Variants in GLRA2 observed in about 807,000 individuals in gnomAD.
The protein encoded by GLRA2 is glycine receptor subunit alpha-2.
GLRA2 carries 11 observed loss-of-function variants against 31.6 expected under a neutral mutation model. That is an observed-to-expected ratio of 0.35 (90% CI 0.22 to 0.58). The LOEUF is 0.58. Among genes scored for constraint, GLRA2 ranks in the 20% least tolerant of loss-of-function variants. GLRA2 has a pLI of 0.84. For missense variants in GLRA2, 212 were observed against 351.8 expected, an observed-to-expected ratio of 0.60 and a Z score of 3.18; for synonymous variants, 132 against 134.0, an observed-to-expected ratio of 0.99 and a Z score of 0.10.
chrX:14,581,383 T>C lies in GLRA2; in HGVS notation c.471T>C (p.Asn157=). Residue 157 remains asparagine, a synonymous_variant, in exon 4 of 9, where the codon AAT becomes AAC. Transcript: ENST00000218075. ...ACAAATTGCTACGGATTTCGAAAAA[T>C]GGCAAAGTGCTCTACAGTATCAGGT... ...TDNKLLRISK[N]GKVLYSIRLT... 8.5e-7 allele frequency: 1 copy of C among 1,176,810 alleles called. No homozygotes were observed. Among genetic ancestry groups the C allele is most frequent in the East Asian group, 3.0e-5 (1 of 33,715 alleles).
At chrX:14,498,200 T>C in the GLRA2 span, among the ~76,000 whole-genome samples, 2 of 109,682 alleles carry the variant, frequency 1.8e-5, no homozygotes, top group African/African-American at 3.3e-5. Context: ...AATAATTTGG[T>C]AAGGTGCTGG....
At chrX:14,456,618 T>C in the GLRA2 span, among the ~76,000 whole-genome samples, 1 of 112,365 alleles carries the variant, frequency 8.9e-6, no homozygotes, top group South Asian at 3.7e-4. Flanking sequence ...TATTTAACTT[T>C]CTTTTTCTGG....
intron 7 of GLRA2, among the ~76,000 whole-genome samples, chrX:14,619,285 G>A (rs12393787): frequency 3.6e-5 from 4 of 110,511 alleles, no homozygotes; most frequent in East Asian, 2.9e-4. Flanking sequence ...ACATCTTCCC[G>A]TAGCTCCCTG....
rs774738110 is a variant in GLRA2 at position 14,698,473 on chromosome X, G to GT, written c.1080+7617dup. On this transcript the variant is annotated intron_variant, in intron 8 of 8. Coordinates refer to ENST00000218075, the MANE Select transcript of GLRA2 (RefSeq NM_002063.4). Reference sequence around the variant, plus strand: ...GTGGGTGGATCACCTGAGGGCAAGAGTTTGAGACCAGCCTGGCCAACATGT... The same window carrying GT: ...GTGGGTGGATCACCTGAGGGCAAGAGTTTTGAGACCAGCCTGGCCAACATGT... Among the ~76,000 whole-genome samples, 3 of 109,282 alleles carry GT rather than the reference G, an allele frequency of 2.7e-5. No homozygotes were observed. In the Admixed American group the frequency reaches 2.9e-4, roughly 11 times the overall value. The allele number at this position is 109,282 out of a possible 115,157, so 94.9% of individuals were successfully genotyped here.
intron 2 of GLRA2, among the ~76,000 whole-genome samples, chrX:14,567,344 AAC>A (rs938838370): frequency 3.6e-5 from 4 of 112,292 alleles, no homozygotes; most frequent in African/African-American, 1.3e-4. Context: ...GAAGGAGAAA[AAC>A]ACACGATCAC....
chrX:14,490,627 C>T, the GLRA2 span, among the ~76,000 whole-genome samples: 1 of 111,596 alleles, frequency 9.0e-6, no homozygotes, highest in Non-Finnish European at 1.9e-5. Context: ...TTGGTAACAA[C>T]TAGGAGGAGG....
chrX:14,463,367 C>T, the GLRA2 span, among the ~76,000 whole-genome samples: 2 of 111,477 alleles, frequency 1.8e-5, no homozygotes, highest in African/African-American at 6.5e-5. Flanking sequence ...GCTGGGAGAA[C>T]CACTGCTCTC....
At chrX:14,663,461 A>T (rs1441575985) in intron 7 of GLRA2, among the ~76,000 whole-genome samples, 2 of 110,340 alleles carry the variant, frequency 1.8e-5, no homozygotes, top group African/African-American at 6.6e-5. Context: ...ATGAAAGAAA[A>T]ACTTCTAAAT....
At chrX:14,473,291 T>TA in the GLRA2 span, among the ~76,000 whole-genome samples, 1 of 111,658 alleles carries the variant, frequency 9.0e-6, no homozygotes, top group Non-Finnish European at 1.9e-5. Context: ...GGATGTGGTT[T>TA]AAAAAGAAAA....
intron 2 of GLRA2, among the ~76,000 whole-genome samples, chrX:14,549,371 G>A (rs188038709): frequency 2.1e-4 from 23 of 111,558 alleles, no homozygotes; most frequent in African/African-American, 6.8e-4. Context: ...TAACAGGAAG[G>A]CAATCAAGGT....
chrX:14,540,996 GA>G (rs931140239), intron 2 of GLRA2, among the ~76,000 whole-genome samples: 39 of 107,562 alleles, frequency 3.6e-4, no homozygotes, highest in African/African-American at 1.1e-3. Flanking sequence ...CGCGGAGGGA[GA>G]AAAAAAAAGA....
chrX:14,530,954 T>G (rs2089246919), intron 1 of GLRA2: 2 of 856,487 alleles, frequency 2.3e-6, no homozygotes. Context: ...CATTAAATTT[T>G]ATGGCATTTT....
chrX:14,571,941 A>G (rs1374512569), intron 2 of GLRA2, among the ~76,000 whole-genome samples: 1 of 111,822 alleles, frequency 8.9e-6, no homozygotes, highest in Non-Finnish European at 1.9e-5. Flanking sequence ...ATGATGAGAC[A>G]CTGACTCTCA....
chrX:14,719,376 T>C (rs1438648987), intron 8 of GLRA2, among the ~76,000 whole-genome samples: 1 of 111,212 alleles, frequency 9.0e-6, no homozygotes, highest in Admixed American at 9.6e-5. Flanking sequence ...AATAATCCAA[T>C]TTAAAAATGG....
intron 8 of GLRA2, among the ~76,000 whole-genome samples, chrX:14,706,923 C>A (rs185361028): frequency 4.5e-5 from 5 of 112,120 alleles, no homozygotes; most frequent in African/African-American, 1.6e-4. Context: ...TGCTGAATGT[C>A]GTACAGCCAA....
At chrX:14,534,510 T>C (rs3027320) in intron 2 of GLRA2, among the ~76,000 whole-genome samples, 15,667 of 110,259 alleles carry the variant, frequency 0.14, 1,051 homozygotes, top group Non-Finnish European at 0.2. Context: ...TATTTTAGAC[T>C]ACAATAATTT....
chrX:14,466,032 C>T, the GLRA2 span, among the ~76,000 whole-genome samples: 1 of 111,601 alleles, frequency 9.0e-6, no homozygotes, highest in African/African-American at 3.3e-5. Flanking sequence ...TGTTTTATTC[C>T]AGACTTTATA....
chrX:14,476,224 CT>C, the GLRA2 span, among the ~76,000 whole-genome samples: 5 of 112,358 alleles, frequency 4.5e-5, no homozygotes, highest in Non-Finnish European at 7.5e-5. Flanking sequence ...AGTTTCCAGA[CT>C]GATTTTTATT....
At chrX:14,590,907 C>T (rs1034954548) in intron 4 of GLRA2, among the ~76,000 whole-genome samples, 8 of 111,539 alleles carry the variant, frequency 7.2e-5, no homozygotes, top group Non-Finnish European at 1.3e-4. Flanking sequence ...CGAGCAAGGT[C>T]GGGAGGGTGG....
Sources: allele counts gnomAD v4.1 joint callset (sites outside exome capture counted in the v4.1 genomes callset), GRCh38; gene constraint gnomAD v4.1.1; transcripts MANE v1.5; gene names NCBI Gene and HGNC (gene_info 2026-07-23, HGNC 2026-07-21).